Variants in VTI1A observed in about 807,000 individuals in gnomAD.
The protein encoded by VTI1A is vesicle transport through interaction with t-SNAREs homolog 1A.
Under a neutral mutation model 34.9 loss-of-function variants are expected in VTI1A, and 22 were observed. That is an observed-to-expected ratio of 0.63 (90% CI 0.45 to 0.90). The LOEUF is 0.90. VTI1A is among the 40% of genes least tolerant of loss of function. VTI1A has a pLI of 0.00. For missense variants in VTI1A, 268 were observed against 275.6 expected (o/e 0.97, Z 0.20); for synonymous variants, 87 against 97.3 (o/e 0.89, Z 0.62).
chr10:112,718,310 G>A (rs1436176253), intron 7 of VTI1A, among the ~76,000 whole-genome samples: 2 of 152,184 alleles, frequency 1.3e-5, no homozygotes, highest in African/African-American at 2.4e-5. Context: ...GCATTTAGTG[G>A]AGTACTGAAT....
At chr10:112,544,907 G>A (rs1443494447) in intron 5 of VTI1A, among the ~76,000 whole-genome samples, 1 of 152,176 alleles carries the variant, frequency 6.6e-6, no homozygotes, top group Non-Finnish European at 1.5e-5. Flanking sequence ...AAGTTGTGTG[G>A]GGCCATGGGA....
the VTI1A span, chr10:112,826,183 C>G: frequency 6.6e-6 from 1 of 152,192 alleles, no homozygotes; most frequent in Non-Finnish European, 1.5e-5. Flanking sequence ...TAACACTGCG[C>G]CTGCCCCTCC....
At chr10:112,537,132 GA>G (rs1393385588) in intron 4 of VTI1A, among the ~76,000 whole-genome samples, 1 of 151,628 alleles carries the variant, frequency 6.6e-6, no homozygotes, top group Non-Finnish European at 1.5e-5. Flanking sequence ...AATTTTAAAT[GA>G]CATCTGTCAA....
chr10:112,719,270 G>A (rs1055639021), intron 7 of VTI1A, among the ~76,000 whole-genome samples: 27 of 151,998 alleles, frequency 1.8e-4, no homozygotes, highest in African/African-American at 6.3e-4. Flanking sequence ...TCTCCTCCTT[G>A]AAAAATGATC....
At chr10:112,630,947 C>T (rs902526047) in intron 5 of VTI1A, among the ~76,000 whole-genome samples, 2 of 152,062 alleles carry the variant, frequency 1.3e-5, no homozygotes, top group Non-Finnish European at 2.9e-5. Flanking sequence ...TATGATGAAA[C>T]CCCGTCTCTA....
chr10:112,803,076 T>C (rs1852931840), intron 7 of VTI1A, among the ~76,000 whole-genome samples: 1 of 152,188 alleles, frequency 6.6e-6, no homozygotes, highest in African/African-American at 2.4e-5. Flanking sequence ...ATTTTATTTT[T>C]TTATTTTTTG....
intron 7 of VTI1A, among the ~76,000 whole-genome samples, chr10:112,772,054 T>A (rs1564919546): frequency 6.6e-6 from 1 of 152,220 alleles, no homozygotes; most frequent in Non-Finnish European, 1.5e-5. Flanking sequence ...ATGTTTTTAT[T>A]CTCTTATATA....
At chr10:112,672,282 C>G (rs2133842724) in intron 7 of VTI1A, among the ~76,000 whole-genome samples, 1 of 152,276 alleles carries the variant, frequency 6.6e-6, no homozygotes, top group East Asian at 1.9e-4. Flanking sequence ...AGTGAGACAG[C>G]AACTGCTTCA....
Position 112,817,856 on chromosome 10 carries a change from G to A in VTI1A, c.*2473G>A. On this transcript the variant is annotated 3_prime_UTR_variant, in exon 8 of 8. Transcript: ENST00000393077. The stretch of plus-strand genomic sequence containing the variant: ...AAAAATGATGTTTAAGGGAGTGGTT[G>A]GGGGGAAGATGAAGGCATGGAGGAG... The A allele has an allele frequency of 4.3e-6, 1 of 232,940 alleles. No individual in the cohort carries two copies. The highest frequency in any genetic ancestry group is 6.0e-5 in the East Asian group (1 of 16,534). The allele number at this position is 232,940 out of a possible 1,614,324, so 14.4% of individuals were successfully genotyped here.
intron 7 of VTI1A, among the ~76,000 whole-genome samples, chr10:112,811,041 G>C (rs1227918803): frequency 1.2e-4 from 18 of 152,302 alleles, no homozygotes. Flanking sequence ...CAGATGCCTC[G>C]TCTTGTCTGA....
intron 7 of VTI1A, among the ~76,000 whole-genome samples, chr10:112,743,331 T>C (rs762414200): frequency 6.6e-6 from 1 of 152,222 alleles, no homozygotes; most frequent in Non-Finnish European, 1.5e-5. Flanking sequence ...TTTACTACTT[T>C]CCAGAGATGA....
chr10:112,505,715 C>G (rs1849406897), intron 3 of VTI1A, among the ~76,000 whole-genome samples: 1 of 151,456 alleles, frequency 6.6e-6, no homozygotes, highest in African/African-American at 2.4e-5. Flanking sequence ...GTTCTGTCAC[C>G]CAGGCTGGAA....
intron 7 of VTI1A, among the ~76,000 whole-genome samples, chr10:112,727,152 T>C (rs1850060635): frequency 6.6e-6 from 1 of 152,162 alleles, no homozygotes; most frequent in African/African-American, 2.4e-5. Flanking sequence ...GGCCCCCCCA[T>C]CAGTTGTCAA....
chr10:112,554,401 GT>G (rs1013037233), intron 5 of VTI1A, among the ~76,000 whole-genome samples: 3 of 152,146 alleles, frequency 2.0e-5, no homozygotes, highest in African/African-American at 7.2e-5. Flanking sequence ...ATTGATTTTA[GT>G]TAATAATAAT....
chr10:112,622,187 C>T (rs1393928840), intron 5 of VTI1A, among the ~76,000 whole-genome samples: 1 of 152,108 alleles, frequency 6.6e-6, no homozygotes, highest in Non-Finnish European at 1.5e-5. Context: ...CAACAACATG[C>T]CATAAGCCAG....
At chr10:112,677,314 G>A (rs540442234) in intron 7 of VTI1A, among the ~76,000 whole-genome samples, 2 of 152,200 alleles carry the variant, frequency 1.3e-5, no homozygotes, top group East Asian at 3.9e-4. Context: ...TCTCCCTCAA[G>A]CCTTCTTCAC....
chr10:112,515,453 T>C (rs574301301), intron 3 of VTI1A, among the ~76,000 whole-genome samples: 1 of 152,266 alleles, frequency 6.6e-6, no homozygotes, highest in South Asian at 2.1e-4. Context: ...CAACTCTGAA[T>C]ATTCTTCCAG....
rs151129250 is a variant in VTI1A, at chr10:112,548,933, C to T, written c.427+10603C>T. 330 of 751,134 alleles carry T rather than the reference C, an allele frequency of 4.4e-4. 1 individual carries two copies. The African/African-American group carries it at 5.0e-3, about 11-fold the overall frequency. 46.5% of individuals were successfully genotyped at this position (751,134 alleles called of 1,614,324 possible). On this transcript the variant is annotated intron_variant, in intron 5 of 7. Coordinates refer to ENST00000393077, the MANE Select transcript of VTI1A (RefSeq NM_145206.4). ...CATCCACTGACATTTTCTTCTACTT[C>T]TACCTCCTCCTCATAATTATATCTT... is the stretch of plus-strand genomic sequence containing the variant.
At chr10:112,737,860 T>G (rs969421325) in intron 7 of VTI1A, 5 of 1,061,868 alleles carry the variant, frequency 4.7e-6, no homozygotes, top group Non-Finnish European at 5.7e-6. Context: ...ATCGTTGGTT[T>G]GATAGCTGAG....
Sources: allele counts gnomAD v4.1 joint callset (sites outside exome capture counted in the v4.1 genomes callset), GRCh38; gene constraint gnomAD v4.1.1; transcripts MANE v1.5; gene names NCBI Gene and HGNC (gene_info 2026-07-23, HGNC 2026-07-21).